Variants in MGAT4C observed in about 807,000 individuals in gnomAD.
MGAT4C encodes the protein MGAT4 family member C, also known as alpha-1,3-mannosyl-glycoprotein 4-beta-N-acetylglucosaminyltransferase C.
A neutral mutation model predicts 40.1 loss-of-function variants in MGAT4C; 19 were observed. The ratio of observed to expected loss-of-function variants is 0.47; its 90% confidence interval spans 0.33 to 0.70. The LOEUF is 0.70. Among genes scored for constraint, MGAT4C ranks in the 30% least tolerant of loss-of-function variants. The pLI, the probability that MGAT4C is intolerant of heterozygous loss-of-function variation, is 0.02. For missense variants in MGAT4C, 491 were observed against 563.2 expected (o/e 0.87, Z 1.30); for synonymous variants, 181 against 187.1 (o/e 0.97, Z 0.27).
intron 2 of MGAT4C, among the ~76,000 whole-genome samples, chr12:86,615,354 G>A (rs940892313): frequency 6.6e-6 from 1 of 152,022 alleles, no homozygotes; most frequent in African/African-American, 2.4e-5. Flanking sequence ...GTTGGAGGGT[G>A]CTTAAGAAGA....
intron 1 of MGAT4C, among the ~76,000 whole-genome samples, chr12:86,113,563 A>G (rs1877832741): frequency 6.6e-6 from 1 of 151,952 alleles, no homozygotes; most frequent in Non-Finnish European, 1.5e-5. Context: ...GGAGAAGTAG[A>G]GCATTAAAGC....
At chr12:86,527,772 G>C (rs1958910889) in intron 2 of MGAT4C, among the ~76,000 whole-genome samples, 1 of 152,024 alleles carries the variant, frequency 6.6e-6, no homozygotes, top group Non-Finnish European at 1.5e-5. Context: ...AAATGGGATT[G>C]CTTTCTTGAT....
chr12:86,117,626 A>G (rs967248780), intron 1 of MGAT4C, among the ~76,000 whole-genome samples: 3 of 151,994 alleles, frequency 2.0e-5, no homozygotes, highest in Admixed American at 2.0e-4. Context: ...CATAAATAAA[A>G]CTCCTTTCAC....
At chr12:86,153,432 A>T (rs1884540839) in intron 1 of MGAT4C, among the ~76,000 whole-genome samples, 1 of 152,258 alleles carries the variant, frequency 6.6e-6, no homozygotes, top group South Asian at 2.1e-4. Context: ...TTTACAGTCC[A>T]TCTCATGTGT....
chr12:86,208,268 C>A (rs1245583882), intron 1 of MGAT4C, among the ~76,000 whole-genome samples: 1 of 152,200 alleles, frequency 6.6e-6, no homozygotes, highest in Non-Finnish European at 1.5e-5. Flanking sequence ...GAGTTCAAGA[C>A]CAGCCTGGGC....
chr12:86,372,845 C>G (rs1289126341), intron 3 of MGAT4C, among the ~76,000 whole-genome samples: 1 of 151,590 alleles, frequency 6.6e-6, no homozygotes, highest in Non-Finnish European at 1.5e-5. Flanking sequence ...TTGTCACACC[C>G]AAACTATCAA....
At chr12:86,678,738 G>T (rs1482364649) in intron 2 of MGAT4C, among the ~76,000 whole-genome samples, 1 of 151,956 alleles carries the variant, frequency 6.6e-6, no homozygotes, top group Non-Finnish European at 1.5e-5. Flanking sequence ...TTTCATCCAT[G>T]TCCCTACAAA....
At chr12:86,524,883 A>G (rs946186436) in intron 2 of MGAT4C, among the ~76,000 whole-genome samples, 1 of 152,174 alleles carries the variant, frequency 6.6e-6, no homozygotes, top group Non-Finnish European at 1.5e-5. Context: ...TTGCATTATG[A>G]AACTCTTATA....
chr12:86,803,157 A>G lies in MGAT4C; in HGVS notation c.-262+35509T>C, dbSNP rs553301597. Among the ~76,000 whole-genome samples the G allele has an allele frequency of 1.1e-3, 169 of 149,982 alleles. 1 individual carries two copies. The highest frequency in any genetic ancestry group is 4.0e-3 in the African/African-American group (166 of 41,198). ...TTTGACAAACCTGAGAAAAACAAGCAATGGGGAAAGGATTCCCTATTTAAT... is the reference window on the plus strand; with the variant it reads ...TTTGACAAACCTGAGAAAAACAAGCGATGGGGAAAGGATTCCCTATTTAAT... On this transcript the variant is annotated intron_variant, in intron 1 of 7. Transcript: ENST00000548651.
intron 3 of MGAT4C, among the ~76,000 whole-genome samples, chr12:86,397,915 A>G (rs1322102202): frequency 1.3e-5 from 2 of 152,148 alleles, no homozygotes; most frequent in African/African-American, 2.4e-5. Context: ...GTGAGCTATG[A>G]TCACACCACT....
chr12:86,197,261 A>T (rs1382972958), intron 1 of MGAT4C, among the ~76,000 whole-genome samples: 1 of 152,210 alleles, frequency 6.6e-6, no homozygotes, highest in African/African-American at 2.4e-5. Context: ...AGGATAATAT[A>T]AGTATTCTCT....
chr12:86,451,613 C>A (rs770419791), intron 2 of MGAT4C, among the ~76,000 whole-genome samples: 1 of 152,028 alleles, frequency 6.6e-6, no homozygotes, highest in Non-Finnish European at 1.5e-5. Context: ...AAATTATTCA[C>A]AAGTGGCTCT....
At chr12:86,765,531 C>T (rs1184867750) in intron 1 of MGAT4C, among the ~76,000 whole-genome samples, 2 of 152,082 alleles carry the variant, frequency 1.3e-5, no homozygotes, top group African/African-American at 4.8e-5. Flanking sequence ...CAAAGATACC[C>T]CTTGAGAAGA....
chr12:85,987,250 C>A (rs2136708554), intron 3 of MGAT4C, among the ~76,000 whole-genome samples: 1 of 147,244 alleles, frequency 6.8e-6, no homozygotes, highest in East Asian at 2.0e-4. Flanking sequence ...CATTCTCCTG[C>A]CTCAGCCTCC....
intron 2 of MGAT4C, among the ~76,000 whole-genome samples, chr12:86,725,985 T>C (rs1414324404): frequency 6.6e-6 from 1 of 152,166 alleles, no homozygotes; most frequent in East Asian, 1.9e-4. Context: ...CTTATGAATA[T>C]TAGAGAAAAT....
chr12:86,689,638 C>T (rs974855627), intron 2 of MGAT4C, among the ~76,000 whole-genome samples: 10 of 152,212 alleles, frequency 6.6e-5, no homozygotes, highest in African/African-American at 1.9e-4. Context: ...GTATCACCAG[C>T]AGGGGCTGCA....
intron 2 of MGAT4C, among the ~76,000 whole-genome samples, chr12:86,663,129 G>A (rs1964019412): frequency 6.6e-6 from 1 of 152,032 alleles, no homozygotes; most frequent in South Asian, 2.1e-4. Flanking sequence ...TTGAAAGAAA[G>A]TGGAAGGTGG....
At position 86,049,727 on chromosome 12, in the gene MGAT4C, G is replaced by A. The variant is rs939713191; in HGVS notation, c.-56-4C>T. The stretch of plus-strand genomic sequence containing the variant: ...CTGTACAGAAACCGTTGATACCCTG[G>A]AAAAAAGAAAGTCTAATATTACTAA... On this transcript the variant is annotated splice_region_variant and splice_polypyrimidine_tract_variant and intron_variant, in intron 1 of 4. Coordinates refer to ENST00000611864, the MANE Select transcript of MGAT4C (RefSeq NM_001351288.2). The A allele has an allele frequency of 2.0e-4, 198 of 976,470 alleles. No individual in the cohort carries two copies. Among genetic ancestry groups the A allele is most frequent in the Non-Finnish European group, 2.4e-4 (194 of 821,772 alleles). 60.5% of individuals were successfully genotyped at this position (976,470 alleles called of 1,614,324 possible).
intron 1 of MGAT4C, among the ~76,000 whole-genome samples, chr12:86,172,753 T>C (rs1886987121): frequency 6.6e-6 from 1 of 152,144 alleles, no homozygotes; most frequent in South Asian, 2.1e-4. Flanking sequence ...TTTTAATGAT[T>C]AGCACTTAAT....
Sources: allele counts gnomAD v4.1 joint callset (sites outside exome capture counted in the v4.1 genomes callset), GRCh38; gene constraint gnomAD v4.1.1; transcripts MANE v1.5; gene names NCBI Gene and HGNC (gene_info 2026-07-23, HGNC 2026-07-21).